Variants in SLC35D1 observed in about 807,000 individuals in gnomAD.
The protein encoded by SLC35D1 is solute carrier family 35 member D1.
Under a neutral mutation model 46.7 loss-of-function variants are expected in SLC35D1, and 31 were observed. The ratio of observed to expected loss-of-function variants is 0.66; its 90% CI spans 0.50 to 0.90. The LOEUF is 0.90. SLC35D1 is among the 40% of genes least tolerant of loss of function. The pLI, the probability that SLC35D1 is intolerant of heterozygous loss-of-function variation, is 0.00. For missense variants in SLC35D1, 397 were observed against 426.2 expected (o/e 0.93, Z 0.60); for synonymous variants, 195 against 164.6 (o/e 1.18, Z -1.41).
chr1:67,039,605 TCATTTAAC>T (rs1452881292), intron 8 of SLC35D1, among the ~76,000 whole-genome samples: 2 of 152,134 alleles, frequency 1.3e-5, no homozygotes, highest in Non-Finnish European at 2.9e-5. Context: ...CTGTGCTTTT[TCATTTAAC>T]CATTTATCTT....
intron 3 of SLC35D1, among the ~76,000 whole-genome samples, chr1:67,052,331 G>C (rs1019378296): frequency 1.3e-5 from 2 of 152,164 alleles, no homozygotes; most frequent in Non-Finnish European, 1.5e-5. Context: ...ATCAATGTGA[G>C]ACAGAAACAT....
the SLC35D1 span, chr1:66,986,320 A>G: frequency 1.3e-6 from 2 of 1,533,856 alleles, no homozygotes; most frequent in East Asian, 2.4e-5. Context: ...TTCTTGTTAA[A>G]TAATGTAGTT....
At chr1:67,032,580 CT>C (rs1349715779) in intron 8 of SLC35D1, among the ~76,000 whole-genome samples, 1 of 152,020 alleles carries the variant, frequency 6.6e-6, no homozygotes, top group Non-Finnish European at 1.5e-5. Flanking sequence ...ACTCAGGAGG[CT>C]GAGGCAAGAG....
At chr1:66,986,799 G>A in the SLC35D1 span, 18,408 of 201,572 alleles carry the variant, frequency 0.091, 1,689 homozygotes, top group African/African-American at 0.31. Context: ...CAGAATGGCA[G>A]TAGCTTTAGC....
intron 8 of SLC35D1, among the ~76,000 whole-genome samples, chr1:67,024,832 C>A (rs1292752577): frequency 6.6e-6 from 1 of 152,072 alleles, no homozygotes; most frequent in Non-Finnish European, 1.5e-5. Flanking sequence ...CATCCTTGAA[C>A]TCCGAAACTT....
Position 67,052,096 on chromosome 1 carries a change from G to A in SLC35D1, c.325-17C>T, listed in dbSNP as rs1645315260. 6.5e-7 allele frequency: 1 copy of A among 1,538,368 alleles called. No individual in the cohort carries two copies. The highest frequency in any genetic ancestry group is 1.4e-5 in the African/African-American group (1 of 73,396). On this transcript the variant is annotated splice_polypyrimidine_tract_variant and intron_variant, in intron 3 of 11. Transcript: ENST00000235345. ...TGGAAACGTCTAGAAAATTTAAAAA[G>A]GGATAACAAAACTCAATAATAAAGA...
the SLC35D1 span, chr1:66,986,421 T>C: frequency 6.2e-7 from 1 of 1,613,364 alleles, no homozygotes; most frequent in East Asian, 2.2e-5. Context: ...CAAATGCTTC[T>C]TCCAGTTCAT....
intron 8 of SLC35D1, among the ~76,000 whole-genome samples, chr1:67,027,306 G>A (rs1034796819): frequency 4.6e-5 from 7 of 151,612 alleles, no homozygotes; most frequent in African/African-American, 1.7e-4. Context: ...CTATGAATTA[G>A]CAATTTTATT....
At chr1:66,985,676 G>C in the SLC35D1 span, 6 of 984,906 alleles carry the variant, frequency 6.1e-6, no homozygotes, top group Non-Finnish European at 7.2e-6. Flanking sequence ...AAACTTTTAT[G>C]AGAGGAATTG....
the SLC35D1 span, among the ~76,000 whole-genome samples, chr1:66,991,006 C>G: frequency 6.6e-5 from 10 of 152,154 alleles, no homozygotes; most frequent in African/African-American, 2.4e-4. Flanking sequence ...TGCTTAGGGC[C>G]TAACTCTGGC....
At chr1:66,978,496 T>G in the SLC35D1 span, among the ~76,000 whole-genome samples, 1 of 152,222 alleles carries the variant, frequency 6.6e-6, no homozygotes, top group Non-Finnish European at 1.5e-5. Context: ...TCTAATTGCT[T>G]AATGTTAAAT....
Position 67,052,164 on chromosome 1 carries a change from T to A in SLC35D1, c.325-85A>T. On this transcript the variant is annotated intron_variant, in intron 3 of 11. Transcript: ENST00000235345. ...TTTCAAACAGAAACAATTTTGTTTATATGATCAAAATTTTTTCCACTTAAA... is the reference window on the plus strand; with the variant it reads ...TTTCAAACAGAAACAATTTTGTTTAAATGATCAAAATTTTTTCCACTTAAA... 5 of 1,011,670 alleles carry A rather than the reference T, an allele frequency of 4.9e-6. No homozygotes were observed. In the South Asian group the frequency reaches 6.7e-5, roughly 14 times the overall value. 62.7% of individuals were successfully genotyped at this position (1,011,670 alleles called of 1,614,324 possible). A position where few individuals can be genotyped will look rare whatever the true frequency, so the allele number is the denominator to read the frequency against.
chr1:66,993,951 G>A, the SLC35D1 span, among the ~76,000 whole-genome samples: 1 of 152,236 alleles, frequency 6.6e-6, no homozygotes, highest in African/African-American at 2.4e-5. Context: ...AAGCATTGAG[G>A]TTAGGTGAAA....
chr1:66,990,442 A>T, the SLC35D1 span, among the ~76,000 whole-genome samples: 1 of 151,658 alleles, frequency 6.6e-6, no homozygotes, highest in Non-Finnish European at 1.5e-5. Context: ...CCTAATTTTT[A>T]TTTTTTTGTA....
rs1204649281 is a variant in SLC35D1 at position 67,002,737 on chromosome 1, C to G, written c.*1603G>C. 1 of 152,250 alleles carries G rather than the reference C, an allele frequency of 6.6e-6. No homozygotes were observed. Among genetic ancestry groups the G allele is most frequent in the Non-Finnish European group, 1.5e-5 (1 of 68,010 alleles). The allele number at this position is 152,250 out of a possible 1,614,324, so 9.4% of individuals were successfully genotyped here. A position where few individuals can be genotyped will look rare whatever the true frequency, so the allele number is the denominator to read the frequency against. On this transcript the variant is annotated 3_prime_UTR_variant, in exon 12 of 12. Coordinates refer to ENST00000235345, the MANE Select transcript of SLC35D1 (RefSeq NM_015139.3). The stretch of plus-strand genomic sequence containing the variant: ...TATAAATTTGCATATCAAAAAAAAT[C>G]AAAACCCTAACTGTTTAGGTCAACA...
chr1:66,989,968 T>C, the SLC35D1 span, among the ~76,000 whole-genome samples: 4 of 152,354 alleles, frequency 2.6e-5, no homozygotes, highest in African/African-American at 9.6e-5. Flanking sequence ...AGCTGTGCTT[T>C]AGCTGAGTGA....
At chr1:67,033,836 T>C (rs1326352273) in intron 8 of SLC35D1, among the ~76,000 whole-genome samples, 1 of 152,202 alleles carries the variant, frequency 6.6e-6, no homozygotes, top group Non-Finnish European at 1.5e-5. Context: ...GATAAGTCTT[T>C]AATCCATTAT....
At chr1:66,991,194 G>A in the SLC35D1 span, among the ~76,000 whole-genome samples, 1 of 152,244 alleles carries the variant, frequency 6.6e-6, no homozygotes, top group Non-Finnish European at 1.5e-5. Context: ...CCGACTCTAG[G>A]ATTTTTGAAA....
chr1:66,984,768 T>G, the SLC35D1 span: 1 of 1,613,908 alleles, frequency 6.2e-7, no homozygotes, highest in Non-Finnish European at 8.5e-7. Context: ...ATGATTTTGA[T>G]GAAAAAAGTG....
Sources: gnomAD v4.1 joint callset for allele counts (sites outside exome capture counted in the v4.1 genomes callset) on GRCh38, gnomAD v4.1.1 for gene constraint, MANE v1.5 for transcripts, NCBI Gene and HGNC (gene_info 2026-07-23, HGNC 2026-07-21) for gene names.